The following AK5 variants were observed in gnomAD, a reference collection of about 807,000 sequenced individuals.
AK5 encodes adenylate kinase isoenzyme 5.
In AK5, 27 loss-of-function variants were observed where a neutral mutation model predicts 69.5. The observed-to-expected ratio is 0.39, with a 90% CI of 0.29 to 0.54. AK5 has a LOEUF of 0.54. AK5 is among the 20% of genes least tolerant of loss of function. The pLI is 0.71. For missense variants in AK5, 531 were observed against 700.4 expected, an observed-to-expected ratio of 0.76 and a Z score of 2.73; for synonymous variants, 260 against 244.4, an observed-to-expected ratio of 1.06 and a Z score of -0.60.
At chr1:77,389,866 G>C (rs1367996989) in intron 6 of AK5, among the ~76,000 whole-genome samples, 1 of 152,074 alleles carries the variant, frequency 6.6e-6, no homozygotes, top group Non-Finnish European at 1.5e-5. Context: ...GGAGGCTAAG[G>C]TGGGAGGTTC....
At chr1:77,293,490 G>A in intron 2 of AK5, 1 of 212,320 alleles carries the variant, frequency 4.7e-6, no homozygotes, top group Non-Finnish European at 9.2e-6. Flanking sequence ...TCATCTCACT[G>A]CCTGTTTTTA....
chr1:77,457,279 G>A (rs990484486), intron 8 of AK5, among the ~76,000 whole-genome samples: 21 of 152,306 alleles, frequency 1.4e-4, no homozygotes, highest in Admixed American at 4.6e-4. Context: ...ATCTCTCAAT[G>A]TGGAGACGCA....
chr1:77,366,654 T>C (rs1283053307), intron 6 of AK5, among the ~76,000 whole-genome samples: 2 of 152,210 alleles, frequency 1.3e-5, no homozygotes, highest in African/African-American at 4.8e-5. Flanking sequence ...CTCAGCTGCC[T>C]TATTTTTGAC....
At chr1:77,455,940 C>T (rs1570165875) in intron 8 of AK5, among the ~76,000 whole-genome samples, 1 of 152,154 alleles carries the variant, frequency 6.6e-6, no homozygotes, top group South Asian at 2.1e-4. Flanking sequence ...TCAAAAGCAC[C>T]AGGAGTGGTG....
At chr1:77,555,788 T>C (rs1298382814) in intron 13 of AK5, among the ~76,000 whole-genome samples, 2 of 152,274 alleles carry the variant, frequency 1.3e-5, no homozygotes, top group Admixed American at 6.5e-5. Context: ...TCCTGTTGAA[T>C]GTTCATCTCT....
At chr1:77,369,501 A>G (rs961731637) in intron 6 of AK5, among the ~76,000 whole-genome samples, 1 of 152,176 alleles carries the variant, frequency 6.6e-6, no homozygotes, top group African/African-American at 2.4e-5. Flanking sequence ...GGCTTTCCCA[A>G]ATTATTCATA....
intron 12 of AK5, among the ~76,000 whole-genome samples, chr1:77,529,150 T>A (rs559249790): frequency 5.3e-5 from 8 of 152,320 alleles, no homozygotes; most frequent in African/African-American, 1.9e-4. Context: ...TAATATTTAA[T>A]GTATGTTCTC....
intron 13 of AK5, among the ~76,000 whole-genome samples, chr1:77,555,496 G>A (rs1337838486): frequency 6.6e-6 from 1 of 152,178 alleles, no homozygotes; most frequent in Non-Finnish European, 1.5e-5. Context: ...AGGCCTGGGT[G>A]TGAACCAGTT....
At chr1:77,374,527 C>T (rs947539109) in intron 6 of AK5, among the ~76,000 whole-genome samples, 2 of 150,048 alleles carry the variant, frequency 1.3e-5, no homozygotes, top group East Asian at 2.0e-4. Context: ...TCTATAAGTA[C>T]GACTTTGTTT....
intron 5 of AK5, among the ~76,000 whole-genome samples, chr1:77,302,439 C>T (rs7537603): frequency 0.1 from 15,303 of 152,028 alleles, 956 homozygotes; most frequent in East Asian, 0.2. Flanking sequence ...ATTGAGGGTA[C>T]AAGTGCAGTT....
At chr1:77,363,653 C>G (rs113664395) in intron 6 of AK5, among the ~76,000 whole-genome samples, 41 of 152,234 alleles carry the variant, frequency 2.7e-4, no homozygotes, top group African/African-American at 9.6e-4. Flanking sequence ...CACTGTCCCC[C>G]CACTGTTGTT....
In AK5 at chr1:77,431,348, T is replaced by C. The variant is rs558935831; in HGVS notation, c.1059+13633T>C. Among the ~76,000 whole-genome samples the C allele has an allele frequency of 2.6e-5, 4 of 152,302 alleles. No individual in the cohort carries two copies. The South Asian group carries it at 6.2e-4, about 24-fold the overall frequency. On this transcript the variant is annotated intron_variant, in intron 8 of 13. Coordinates refer to ENST00000354567, the MANE Select transcript of AK5 (RefSeq NM_174858.3). ...TTTCATTCCTTTAGCAAATGTTTAT[T>C]GGGTGGCCTTAGGTGCCAGACACTC...
At chr1:77,301,019 G>A (rs528604455) in intron 5 of AK5, among the ~76,000 whole-genome samples, 1 of 152,288 alleles carries the variant, frequency 6.6e-6, no homozygotes, top group Admixed American at 6.5e-5. Flanking sequence ...TCACAGATCT[G>A]GGGTGTGAGA....
At chr1:77,398,042 G>A (rs1169143416) in intron 6 of AK5, among the ~76,000 whole-genome samples, 1 of 152,014 alleles carries the variant, frequency 6.6e-6, no homozygotes, top group Non-Finnish European at 1.5e-5. Flanking sequence ...TGTTCTTTTT[G>A]ATTCCACTTG....
intron 13 of AK5, among the ~76,000 whole-genome samples, chr1:77,537,252 G>A (rs1294272120): frequency 1.3e-5 from 2 of 152,102 alleles, no homozygotes; most frequent in African/African-American, 4.8e-5. Context: ...CACCAGAGAA[G>A]CCCCAAGTGG....
chr1:77,419,710 G>T (rs2100586960), intron 8 of AK5, among the ~76,000 whole-genome samples: 1 of 152,322 alleles, frequency 6.6e-6, no homozygotes, highest in East Asian at 1.9e-4. Context: ...ATTGAGGATA[G>T]AATGATTGGT....
At chr1:77,539,185 A>G (rs1196247548) in intron 13 of AK5, among the ~76,000 whole-genome samples, 1 of 152,214 alleles carries the variant, frequency 6.6e-6, no homozygotes, top group Non-Finnish European at 1.5e-5. Context: ...TTTAGCACGG[A>G]TGACTCCACG....
intron 12 of AK5, among the ~76,000 whole-genome samples, chr1:77,528,495 T>A (rs1658405258): frequency 6.6e-6 from 1 of 152,192 alleles, no homozygotes; most frequent in South Asian, 2.1e-4. Context: ...CTTTGAGGAT[T>A]TCCTTGGACA....
At chr1:77,439,611 T>G (rs1652177852) in intron 8 of AK5, among the ~76,000 whole-genome samples, 1 of 152,084 alleles carries the variant, frequency 6.6e-6, no homozygotes, top group African/African-American at 2.4e-5. Flanking sequence ...TCCATGATAT[T>G]TACTTTTTTA....
Sources: allele counts gnomAD v4.1 joint callset (sites outside exome capture counted in the v4.1 genomes callset), GRCh38; gene constraint gnomAD v4.1.1; transcripts MANE v1.5; gene names NCBI Gene and HGNC (gene_info 2026-07-23, HGNC 2026-07-21).